The following LMO7 variants were observed in gnomAD, a reference collection of about 807,000 sequenced individuals.
The protein encoded by LMO7 is LIM domain 7.
LMO7 carries 120 observed loss-of-function variants against 206.5 expected under a neutral mutation model. The ratio of observed to expected loss-of-function variants is 0.58; its 90% CI spans 0.50 to 0.68. The LOEUF (loss-of-function observed/expected upper bound fraction) is 0.68. LMO7 is among the 30% of genes least tolerant of loss of function. LMO7 has a pLI of 0.00. For missense variants in LMO7, 1,959 were observed against 1,957.9 expected (o/e 1.00, Z -0.01); for synonymous variants, 706 against 681.5 (o/e 1.04, Z -0.56).
At chr13:75,727,119 A>T in intron 3 of LMO7, 21 bp downstream of exon 3, 1 of 1,435,394 alleles carries the variant, frequency 7.0e-7, no homozygotes, top group East Asian at 2.3e-5. Flanking sequence ...AATTATCTTC[A>T]CAACTAAATT....
intron 4 of LMO7, among the ~76,000 whole-genome samples, chr13:75,791,854 C>T (rs2053332898): frequency 6.6e-6 from 1 of 151,882 alleles, no homozygotes; most frequent in African/African-American, 2.4e-5. Context: ...ATCATCATAC[C>T]CAAGATAGGT....
At chr13:75,648,157 A>G (rs2037225204) in intron 1 of LMO7, among the ~76,000 whole-genome samples, 1 of 151,890 alleles carries the variant, frequency 6.6e-6, no homozygotes, top group African/African-American at 2.4e-5. Context: ...CATGTTGCCT[A>G]GGATGGTCTT....
At chr13:75,770,173 G>A (rs2049438965) in intron 4 of LMO7, among the ~76,000 whole-genome samples, 1 of 73,762 alleles carries the variant, frequency 1.4e-5, no homozygotes, top group East Asian at 4.3e-4. Context: ...TTGTTTTGGT[G>A]ATGAATTTTT....
At chr13:75,717,562 T>C (rs2043657710) in intron 2 of LMO7, among the ~76,000 whole-genome samples, 1 of 151,686 alleles carries the variant, frequency 6.6e-6, no homozygotes, top group African/African-American at 2.4e-5. Context: ...AGATTATATA[T>C]ATACATATTC....
intron 1 of LMO7, among the ~76,000 whole-genome samples, chr13:75,695,547 G>A (rs559069096): frequency 5.3e-5 from 8 of 152,286 alleles, no homozygotes; most frequent in East Asian, 1.9e-4. Flanking sequence ...GGGTTTCACC[G>A]TGTTGGCTCA....
intron 15 of LMO7, among the ~76,000 whole-genome samples, chr13:75,826,895 C>T (rs1286702694): frequency 2.6e-5 from 4 of 152,080 alleles, no homozygotes; most frequent in African/African-American, 9.7e-5. Context: ...CTTGCTTTTT[C>T]TTGGACACAT....
chr13:75,784,066 T>C (rs9565200), intron 4 of LMO7, among the ~76,000 whole-genome samples: 3,239 of 152,182 alleles, frequency 0.021, 85 homozygotes, highest in African/African-American at 0.065. Context: ...TGACAATATC[T>C]GGAGACATTT....
rs115778384 is a variant in LMO7, at chr13:75,844,336, A to G, written c.4098-991A>G. ...ATATGTAATATATACATATATGTAC[A>G]TAAGTATAATATTACATATTATAAT... On this transcript the variant is annotated intron_variant, in intron 25 of 30. Transcript: ENST00000377534. 5.4e-3 allele frequency among the ~76,000 whole-genome samples: 824 copies of G among 151,200 alleles called. 9 individuals are homozygous for G. The highest frequency in any genetic ancestry group is 0.016 in the African/African-American group (641 of 41,342).
rs1482653380 is a variant in LMO7 at position 75,841,690 on chromosome 13, C to G, written c.3738C>G (p.Thr1246=). ...CCACACGGGAGCCCTCTCTTGCCAC[C>G]TGGGAAGCTACCTGGAGTGAAGGGT... ...SLTTREPSLA[T]WEATWSEGSK... The change falls in exon 24 of 31, where the codon ACC becomes ACG. Residue 1246 remains threonine, a synonymous_variant. Transcript: ENST00000377534. 3.7e-6 allele frequency: 6 copies of G among 1,614,004 alleles called. No homozygotes were observed. In the South Asian group the frequency reaches 6.6e-5, roughly 18 times the overall value.
At chr13:75,831,813 T>C (rs543165181) in intron 15 of LMO7, among the ~76,000 whole-genome samples, 2 of 152,264 alleles carry the variant, frequency 1.3e-5, no homozygotes, top group South Asian at 4.1e-4. Context: ...AGGTAACACT[T>C]CCCAGCACTA....
At chr13:75,739,778 T>A (rs978102854) in intron 3 of LMO7, among the ~76,000 whole-genome samples, 1 of 152,212 alleles carries the variant, frequency 6.6e-6, no homozygotes, top group Non-Finnish European at 1.5e-5. Flanking sequence ...TAAATATTTC[T>A]ACCCAAGTTT....
chr13:75,681,893 A>G (rs980028601), intron 1 of LMO7, among the ~76,000 whole-genome samples: 2 of 151,810 alleles, frequency 1.3e-5, no homozygotes, highest in Admixed American at 6.6e-5. Flanking sequence ...GATGTACCAC[A>G]GTTTGTTAAT....
At chr13:75,820,886 A>G (rs546106467) in intron 13 of LMO7, among the ~76,000 whole-genome samples, 2 of 152,068 alleles carry the variant, frequency 1.3e-5, no homozygotes, top group African/African-American at 4.8e-5. Flanking sequence ...AATCCCAGCT[A>G]CTCGGGAGGC....
intron 15 of LMO7, among the ~76,000 whole-genome samples, chr13:75,831,597 G>T (rs1376014533): frequency 6.6e-6 from 1 of 152,166 alleles, no homozygotes; most frequent in African/African-American, 2.4e-5. Flanking sequence ...CTTGGCTTCA[G>T]GTGAGCACCA....
chr13:75,841,950 G>A lies in LMO7; in HGVS notation c.3998G>A (p.Arg1333Gln), dbSNP rs573591894. The A allele has an allele frequency of 9.1e-5, 146 of 1,612,282 alleles. No individual in the cohort carries two copies. In the African/African-American group the frequency reaches 1.4e-3, roughly 15 times the overall value. The change falls in exon 24 of 31, where the codon CGG becomes CAG. Residue 1333 changes from arginine to glutamine, a missense_variant. Transcript: ENST00000377534. ...CAGAAGCGCCAGGCAGAGATAGAGC[G>A]GGAAACATCAGTCAGAATATACCAG... is the stretch of plus-strand genomic sequence containing the variant. The part of the protein sequence containing the change: ...EEQKRQAEIE[R>Q]ETSVRIYQYR...
At chr13:75,798,084 TG>T (rs904257698) in intron 6 of LMO7, among the ~76,000 whole-genome samples, 1 of 152,032 alleles carries the variant, frequency 6.6e-6, no homozygotes, top group African/African-American at 2.4e-5. Flanking sequence ...AAAACCTATG[TG>T]GGGGGCTGGG....
chr13:75,839,543 C>T (rs2059407121), intron 20 of LMO7, among the ~76,000 whole-genome samples: 1 of 152,072 alleles, frequency 6.6e-6, no homozygotes, highest in South Asian at 2.1e-4. Context: ...AGTTTGAATA[C>T]GTGTGTTTCA....
chr13:75,760,500 C>G (rs920047114), intron 3 of LMO7: 30 of 1,286,472 alleles, frequency 2.3e-5, no homozygotes, highest in African/African-American at 1.5e-5. Context: ...TATTTCTTCC[C>G]TGCCAACAGT....
At chr13:75,621,888 T>C (rs1239688656) in intron 1 of LMO7, 1 of 1,529,890 alleles carries the variant, frequency 6.5e-7, no homozygotes, top group Non-Finnish European at 8.8e-7. Context: ...GTTCCTTGAA[T>C]ACTTTTATAT....
Sources: allele counts gnomAD v4.1 joint callset (sites outside exome capture counted in the v4.1 genomes callset), GRCh38; gene constraint gnomAD v4.1.1; transcripts MANE v1.5; gene names NCBI Gene and HGNC (gene_info 2026-07-23, HGNC 2026-07-21).